Variants in ZNF367 observed in about 807,000 individuals in gnomAD.
The protein encoded by ZNF367 is C2H2 zinc finger protein ZFF29.
Under a neutral mutation model 31.8 loss-of-function variants are expected in ZNF367, and 11 were observed. The observed-to-expected ratio is 0.35, with a 90% CI of 0.22 to 0.57. The LOEUF is 0.57. Among genes scored for constraint, ZNF367 ranks in the 20% least tolerant of loss-of-function variants. The pLI, the probability that ZNF367 is intolerant of heterozygous loss-of-function variation, is 0.85. For missense variants in ZNF367, 353 were observed against 484.1 expected, an observed-to-expected ratio of 0.73 and a Z score of 2.54; for synonymous variants, 199 against 202.4, an observed-to-expected ratio of 0.98 and a Z score of 0.14.
intron 1 of ZNF367, among the ~76,000 whole-genome samples, chr9:96,411,378 T>C (rs1250884830): frequency 3.4e-5 from 5 of 148,856 alleles, no homozygotes; most frequent in Admixed American, 1.3e-4. Context: ...AAGACCCCTG[T>C]CTACAAAAAA....
At chr9:96,402,338 T>C (rs1337733095) in intron 1 of ZNF367, among the ~76,000 whole-genome samples, 1 of 151,472 alleles carries the variant, frequency 6.6e-6, no homozygotes, top group Admixed American at 6.6e-5. Context: ...GAAATATATA[T>C]ACACCTAAGA....
At chr9:96,410,908 A>AAAAC (rs1564144743) in intron 1 of ZNF367, among the ~76,000 whole-genome samples, 6 of 151,462 alleles carry the variant, frequency 4.0e-5, no homozygotes, top group Middle Eastern at 3.4e-3. Context: ...AACAAAAAAA[A>AAAAC]CATAGTGGCT....
chr9:96,399,067 A>G (rs1474409462), intron 1 of ZNF367, among the ~76,000 whole-genome samples: 1 of 152,170 alleles, frequency 6.6e-6, no homozygotes, highest in Admixed American at 6.5e-5. Context: ...GCTGGGAGAA[A>G]GTTTCTTTTG....
At chr9:96,399,868 A>G (rs1332757717) in intron 1 of ZNF367, among the ~76,000 whole-genome samples, 1 of 152,190 alleles carries the variant, frequency 6.6e-6, no homozygotes, top group Non-Finnish European at 1.5e-5. Context: ...CAGGCTAAGA[A>G]AGAGACTTTA....
rs966672952 is a variant in ZNF367, at chr9:96,417,310, G to C, written c.420+303C>G. On this transcript the variant is annotated intron_variant, in intron 1 of 4. Coordinates refer to ENST00000375256, the MANE Select transcript of ZNF367 (RefSeq NM_153695.4). This position sits in a 1 kb window ranked among gnomAD's most constrained non-coding sequence, Gnocchi z 5.0. ...CGTTTCCTCTCGGAACTGAGGACTCGGCAGCCCGCCGGGAGGATGTCAGTG... is the reference window on the plus strand; with the variant it reads ...CGTTTCCTCTCGGAACTGAGGACTCCGCAGCCCGCCGGGAGGATGTCAGTG... Among the ~76,000 whole-genome samples, 1 of 152,032 alleles carries C rather than the reference G, an allele frequency of 6.6e-6. No homozygotes were observed. Among genetic ancestry groups the C allele is most frequent in the African/African-American group, 2.4e-5 (1 of 41,400 alleles).
rs1831484679 is a variant in ZNF367, at chr9:96,392,552, T to TTAA, written c.692-19_692-17dup. 6.3e-7 allele frequency: 1 copy of TTAA among 1,586,622 alleles called. No individual in the cohort carries two copies. The highest frequency in any genetic ancestry group is 1.1e-5 in the South Asian group (1 of 89,690). ...CTCAGGCAGCCTTCAAAACACAAGG[T>TTAA]TAACACCTGTCAGGATCTGGACATC... On this transcript the variant is annotated splice_polypyrimidine_tract_variant and intron_variant, in intron 3 of 4. Coordinates refer to ENST00000375256, the MANE Select transcript of ZNF367 (RefSeq NM_153695.4).
intron 1 of ZNF367, among the ~76,000 whole-genome samples, chr9:96,411,850 TG>T (rs942895548): frequency 4.6e-5 from 7 of 152,174 alleles, no homozygotes; most frequent in African/African-American, 1.2e-4. Flanking sequence ...TTTTTTGAGA[TG>T]GACTCTGGCT....
chr9:96,414,731 C>T (rs1313950914), intron 1 of ZNF367, among the ~76,000 whole-genome samples: 1 of 152,182 alleles, frequency 6.6e-6, no homozygotes. Context: ...CAGCCTCGGC[C>T]TCCCAAAGTG....
rs781247902 is a variant in ZNF367 at position 96,398,242 on chromosome 9, T to C, written c.493A>G (p.Ser165Gly). 6.2e-7 allele frequency: 1 copy of C among 1,613,876 alleles called. No homozygotes were observed. Among genetic ancestry groups the C allele is most frequent in the Non-Finnish European group, 8.5e-7 (1 of 1,179,880 alleles). The change falls in exon 2 of 5, where the codon AGC becomes GGC. Residue 165 changes from serine to glycine, a missense_variant. By Grantham distance (56) the Ser-to-Gly change is moderately conservative. This residue lies in a region of ZNF367 where 57 missense variants were observed against 141.9 expected (regional missense o/e 0.40). Transcript: ENST00000375256. ...TTACAGATGTTACAACGGATTCTGC[T>C]GGATGAATGCTCTCCTTCATTTATT... Reference protein sequence around the residue: ...DLINEGEHSSSRIRCNICNRV... With the variant: ...DLINEGEHSSGRIRCNICNRV...
intron 1 of ZNF367, among the ~76,000 whole-genome samples, chr9:96,406,641 A>C (rs1831674103): frequency 6.6e-6 from 1 of 152,200 alleles, no homozygotes; most frequent in African/African-American, 2.4e-5. Context: ...AATTATTAAT[A>C]ACTGAAGAAA....
rs190751493 is a variant in ZNF367, at chr9:96,394,445, T to C, written c.691+378A>G. On this transcript the variant is annotated intron_variant, in intron 3 of 4. Transcript: ENST00000375256. ...TATAGCACACGGTGACTATAGTCAATAATAATTTAACTGTACATTCTAAAA... is the reference window on the plus strand; with the variant it reads ...TATAGCACACGGTGACTATAGTCAACAATAATTTAACTGTACATTCTAAAA... Among the ~76,000 whole-genome samples, 597 of 152,300 alleles carry C rather than the reference T, an allele frequency of 3.9e-3. 1 individual carries two copies. Among genetic ancestry groups the C allele is most frequent in the Middle Eastern group, 6.8e-3 (2 of 294 alleles).
intron 4 of ZNF367, among the ~76,000 whole-genome samples, chr9:96,389,299 C>CAAAAAAAAAAAAAAAAAAAAAAAAA (rs1437919017): frequency 9.6e-6 from 1 of 103,694 alleles, no homozygotes; most frequent in African/African-American, 5.1e-5. Context: ...GACTCCGTTT[C>CAAAAAAAAAAAAAAAAAAAAAAAAA]AAGAAAAAAA....
chr9:96,389,706 A>G (rs765115229), intron 4 of ZNF367, among the ~76,000 whole-genome samples: 1 of 152,064 alleles, frequency 6.6e-6, no homozygotes, highest in Non-Finnish European at 1.5e-5. Flanking sequence ...TGCTACTTAT[A>G]TACCAACAAA....
Position 96,417,989 on chromosome 9 carries a change from G to C in ZNF367, c.44C>G (p.Pro15Arg). Residue 15 changes from proline to arginine, a missense_variant, in exon 1 of 5, where the codon CCG becomes CGG. By Grantham distance (103) the Pro-to-Arg change is moderately radical. Transcript: ENST00000375256. This position sits in a 1 kb window ranked among gnomAD's most constrained non-coding sequence, Gnocchi z 5.0. ...GCAGAAGATGACGGGCGGCGGCGGC[G>C]GCGGCGGGTTCTCCGCCATGGGCGC... is the stretch of plus-strand genomic sequence containing the variant. ...FEAPMAENPP[P>R]PPPPVIFCHD... is the part of the protein sequence containing the mutation. The C allele has an allele frequency of 7.0e-7, 1 of 1,432,966 alleles. No homozygotes were observed. Among genetic ancestry groups the C allele is most frequent in the Non-Finnish European group, 9.1e-7 (1 of 1,101,516 alleles). The allele number at this position is 1,432,966 out of a possible 1,614,324, so 88.8% of individuals were successfully genotyped here.
Position 96,417,176 on chromosome 9 carries a change from T to A in ZNF367, c.420+437A>T, listed in dbSNP as rs1248427989. On this transcript the variant is annotated intron_variant, in intron 1 of 4. Coordinates refer to ENST00000375256, the MANE Select transcript of ZNF367 (RefSeq NM_153695.4). The surrounding 1 kb of genome is among the most constrained non-coding windows in gnomAD (Gnocchi z 5.0). ...TCCTTTCTTGCTCTTCGGCTGTCTC[T>A]GCAGGGCATCTTTTAACAGGGCGAG... Among the ~76,000 whole-genome samples, 1 of 152,232 alleles carries A rather than the reference T, an allele frequency of 6.6e-6. No individual in the cohort carries two copies. The highest frequency in any genetic ancestry group is 1.5e-5 in the Non-Finnish European group (1 of 68,034).
Position 96,417,621 on chromosome 9 carries a change from G to T in ZNF367, c.412C>A (p.His138Asn). Residue 138 changes from histidine to asparagine, a missense_variant, in exon 1 of 5, where the codon CAC becomes AAC. Around this residue, in one of 5 missense-constraint regions of ZNF367, gnomAD observed 70 missense variants for 57.1 expected, o/e 1.23. Coordinates refer to ENST00000375256, the MANE Select transcript of ZNF367 (RefSeq NM_153695.4). The surrounding 1 kb of genome is among the most constrained non-coding windows in gnomAD (Gnocchi z 5.0). ...CCGCCCGCGCCGCTCACCTTGAGGT[G>T]GCCGCTGTCTGGGCTGCTCGCTTCC... The part of the protein sequence containing the change: ...EEEASSPDSG[H>N]LKDGIRRGRP... 4.5e-6 allele frequency: 3 copies of T among 673,918 alleles called. No individual in the cohort carries two copies. The highest frequency in any genetic ancestry group is 1.9e-5 in the African/African-American group (1 of 53,218). 41.7% of individuals were successfully genotyped at this position (673,918 alleles called of 1,614,324 possible). A position where few individuals can be genotyped will look rare whatever the true frequency, so the allele number is the denominator to read the frequency against.
chr9:96,400,284 T>C (rs1229556732), intron 1 of ZNF367, among the ~76,000 whole-genome samples: 4 of 150,842 alleles, frequency 2.7e-5, no homozygotes, highest in Non-Finnish European at 5.9e-5. Flanking sequence ...CCCAAGCTAC[T>C]TGGGAGGCTG....
Position 96,412,720 on chromosome 9 carries a change from GA to G in ZNF367, c.420+4892del, listed in dbSNP as rs567383585. ...TTCTTTTTTTTTTTTTTTTGAGACAGAATCTCGCTTAGTCGCCCAGGCTGGA... is the reference window on the plus strand; with the variant it reads ...TTCTTTTTTTTTTTTTTTTGAGACAGATCTCGCTTAGTCGCCCAGGCTGGA... On this transcript the variant is annotated intron_variant, in intron 1 of 4. Coordinates refer to ENST00000375256, the MANE Select transcript of ZNF367 (RefSeq NM_153695.4). Among the ~76,000 whole-genome samples, 677 of 134,440 alleles carry G rather than the reference GA, an allele frequency of 5.0e-3. 1 individual carries two copies. Among genetic ancestry groups the G allele is most frequent in the Non-Finnish European group, 6.6e-3 (432 of 65,052 alleles). The allele number at this position is 134,440 out of a possible 152,430, so 88.2% of individuals were successfully genotyped here.
intron 1 of ZNF367, chr9:96,407,395 A>G: frequency 1.3e-6 from 2 of 1,489,102 alleles, no homozygotes; most frequent in South Asian, 1.1e-5. Context: ...ACGTTCAAAG[A>G]AGGCAAAGAA....
Sources: allele counts gnomAD v4.1 joint callset (sites outside exome capture counted in the v4.1 genomes callset), GRCh38; gene constraint gnomAD v4.1.1; regional missense constraint gnomAD v4.1.1; non-coding constraint Gnocchi (gnomAD v3.1); transcripts MANE v1.5; gene names NCBI Gene and HGNC (gene_info 2026-07-23, HGNC 2026-07-21).